The following ARHGAP35 variants were observed in gnomAD, a reference collection of about 807,000 sequenced individuals.
The protein encoded by ARHGAP35 is rho GTPase-activating protein 35.
In ARHGAP35, 15 loss-of-function variants were observed where a neutral mutation model predicts 111.1. That is an observed-to-expected ratio of 0.13 (90% CI 0.09 to 0.21). The LOEUF (loss-of-function observed/expected upper bound fraction) is 0.21. ARHGAP35 is among the 10% of genes least tolerant of loss of function. ARHGAP35 has a pLI of 1.00. For synonymous variants in ARHGAP35, 643 were observed against 710.3 expected, an observed-to-expected ratio of 0.91 and a Z score of 1.51; for missense variants, 1,262 against 1,873.0, an observed-to-expected ratio of 0.67 and a Z score of 6.02.
rs1473962105 is a variant in ARHGAP35 at position 46,918,466 on chromosome 19, T to TC, written c.-188-21dup. On this transcript the variant is annotated intron_variant, in intron 1 of 6. Transcript: ENST00000672722. This position sits in a 1 kb window ranked among gnomAD's most constrained non-coding sequence, Gnocchi z 5.4. ...CTAAAATTATGATGCTGATGGGTTT[T>TC]CTTTTTTTTTCCCCCATCTAGGAAG... Among the ~76,000 whole-genome samples the TC allele has an allele frequency of 6.6e-6, 1 of 152,182 alleles. No homozygotes were observed. The highest frequency in any genetic ancestry group is 1.5e-5 in the Non-Finnish European group (1 of 68,030).
rs2056083900 is a variant in ARHGAP35 at position 46,901,621 on chromosome 19, G to A, written c.-188-16867G>A. On this transcript the variant is annotated intron_variant, in intron 1 of 6. Transcript: ENST00000672722. The surrounding 1 kb of genome is among the most constrained non-coding windows in gnomAD (Gnocchi z 4.5). ...AACTTGCTGCTCTAGGAGAGCAAGA[G>A]TATACATGTGAAGAACGCGTAAGGC... 6.6e-6 allele frequency among the ~76,000 whole-genome samples: 1 copy of A among 152,194 alleles called. No individual in the cohort carries two copies. Among genetic ancestry groups the A allele is most frequent in the African/African-American group, 2.4e-5 (1 of 41,446 alleles).
intron 1 of ARHGAP35, among the ~76,000 whole-genome samples, chr19:46,897,235 C>T (rs1251575454): frequency 6.6e-6 from 1 of 152,094 alleles, no homozygotes; most frequent in Non-Finnish European, 1.5e-5. Flanking sequence ...AAAATGACAA[C>T]AACTGATGGC....
At chr19:46,952,535 C>T (rs552202724) in intron 3 of ARHGAP35, among the ~76,000 whole-genome samples, 18 of 152,308 alleles carry the variant, frequency 1.2e-4, no homozygotes, top group Admixed American at 3.9e-4. Context: ...CTATCTAAAA[C>T]GAAACAAACA....
chr19:46,921,213 C>T lies in ARHGAP35; in HGVS notation c.2538C>T (p.Ile846=). 6.2e-7 allele frequency: 1 copy of T among 1,614,012 alleles called. No individual in the cohort carries two copies. Among genetic ancestry groups the T allele is most frequent in the Non-Finnish European group, 8.5e-7 (1 of 1,179,900 alleles). ...TTTCATACCATTCCTCCTTTAGCAT[C>T]AGAAAGAGCCGGTTGGTTCATGGGT... ...SVLSYHSSFS[I]RKSRLVHGYI... Residue 846 remains isoleucine, a synonymous_variant, in exon 2 of 7, where the codon ATC becomes ATT. Transcript: ENST00000672722. The surrounding 1 kb of genome is among the most constrained non-coding windows in gnomAD (Gnocchi z 4.3).
chr19:46,879,165 T>C (rs1016398415), intron 1 of ARHGAP35, among the ~76,000 whole-genome samples: 1 of 152,114 alleles, frequency 6.6e-6, no homozygotes, highest in African/African-American at 2.4e-5. Flanking sequence ...TCTTAAAAAA[T>C]TGCTGGGCGG....
chr19:46,874,749 C>T (rs577718069), intron 1 of ARHGAP35, among the ~76,000 whole-genome samples: 4 of 150,192 alleles, frequency 2.7e-5, no homozygotes, highest in South Asian at 4.2e-4. Context: ...GTGGTCCAGC[C>T]GCGTTGGCCT....
intron 1 of ARHGAP35, among the ~76,000 whole-genome samples, chr19:46,876,228 A>T (rs1335544211): frequency 6.6e-6 from 1 of 150,802 alleles, no homozygotes; most frequent in Non-Finnish European, 1.5e-5. Context: ...TTTTTGAGAC[A>T]GGATCTCACC....
At chr19:46,996,796 CTTTG>C (rs1202327392) in intron 5 of ARHGAP35, among the ~76,000 whole-genome samples, 5 of 152,188 alleles carry the variant, frequency 3.3e-5, no homozygotes, top group Admixed American at 2.6e-4. Context: ...CAGCAGTTTA[CTTTG>C]TTTATGTAAA....
chr19:46,943,389 C>T (rs1037778450), intron 3 of ARHGAP35, among the ~76,000 whole-genome samples: 1 of 152,106 alleles, frequency 6.6e-6, no homozygotes, highest in Non-Finnish European at 1.5e-5. Flanking sequence ...GGACAGGGCA[C>T]ACGTATGAAT....
At chr19:46,872,896 T>A (rs1039223955) in intron 1 of ARHGAP35, among the ~76,000 whole-genome samples, 2 of 138,880 alleles carry the variant, frequency 1.4e-5, no homozygotes, top group African/African-American at 5.4e-5. Context: ...AAAAAAAAAA[T>A]TAATTACTAA....
rs1195012574 is a variant in ARHGAP35, at chr19:46,945,485, A to G, written c.3826+8077A>G. 6.6e-6 allele frequency among the ~76,000 whole-genome samples: 1 copy of G among 151,784 alleles called. No individual in the cohort carries two copies. Among genetic ancestry groups the G allele is most frequent in the Admixed American group, 6.6e-5 (1 of 15,230 alleles). Reference sequence around the variant, plus strand: ...AGAATAATTTCTCAGGGTAAAGTACACTCTTGATAGCTCATGGTGGTCACA... The same window carrying G: ...AGAATAATTTCTCAGGGTAAAGTACGCTCTTGATAGCTCATGGTGGTCACA... On this transcript the variant is annotated intron_variant, in intron 3 of 6. Transcript: ENST00000672722. The surrounding 1 kb of genome is among the most constrained non-coding windows in gnomAD (Gnocchi z 4.1).
At chr19:46,990,117 C>T (rs1465844035) in intron 5 of ARHGAP35, among the ~76,000 whole-genome samples, 1 of 152,254 alleles carries the variant, frequency 6.6e-6, no homozygotes. Flanking sequence ...TACCTGTCTT[C>T]TCCTACCTCT....
Position 46,969,243 on chromosome 19 carries a change from G to A in ARHGAP35, c.3827-18746G>A, listed in dbSNP as rs375048990. ...AACTCTGAATGTGCTCACAGCCATC[G>A]AATTGGACACTCTCACAGTGGGTGA... On this transcript the variant is annotated intron_variant, in intron 3 of 6. Transcript: ENST00000672722. 2.7e-4 allele frequency among the ~76,000 whole-genome samples: 41 copies of A among 152,304 alleles called. 1 individual carries two copies. The South Asian group carries it at 4.1e-3, about 15-fold the overall frequency.
intron 3 of ARHGAP35, among the ~76,000 whole-genome samples, chr19:46,968,756 A>T (rs1186759342): frequency 6.6e-6 from 1 of 152,240 alleles, no homozygotes; most frequent in African/African-American, 2.4e-5. Context: ...TCATTTACAC[A>T]GAATTATCTA....
At chr19:46,958,119 C>A (rs1213725987) in intron 3 of ARHGAP35, among the ~76,000 whole-genome samples, 1 of 152,172 alleles carries the variant, frequency 6.6e-6, no homozygotes, top group Non-Finnish European at 1.5e-5. Flanking sequence ...CACGGTGGCC[C>A]AAGCCTGTAA....
chr19:46,952,816 C>T (rs1176119223), intron 3 of ARHGAP35, among the ~76,000 whole-genome samples: 1 of 152,126 alleles, frequency 6.6e-6, no homozygotes, highest in Non-Finnish European at 1.5e-5. Context: ...GTAGCTGGGA[C>T]CACAGGTGTG....
intron 1 of ARHGAP35, among the ~76,000 whole-genome samples, chr19:46,884,650 C>T (rs2122141245): frequency 6.6e-6 from 1 of 151,766 alleles, no homozygotes; most frequent in East Asian, 1.9e-4. Context: ...GCATGTGCCA[C>T]CATGTTGTAT....
At chr19:46,866,178 C>T (rs183030483) in intron 1 of ARHGAP35, among the ~76,000 whole-genome samples, 1 of 152,290 alleles carries the variant, frequency 6.6e-6, no homozygotes, top group East Asian at 1.9e-4. Flanking sequence ...TGTTATTCAT[C>T]ACAGCACTAT....
intron 1 of ARHGAP35, among the ~76,000 whole-genome samples, chr19:46,865,623 G>A (rs1047462254): frequency 6.6e-6 from 1 of 152,178 alleles, no homozygotes; most frequent in African/African-American, 2.4e-5. Context: ...GATGTTTGGT[G>A]AGTCTGCATG....
Sources: allele counts gnomAD v4.1 joint callset (sites outside exome capture counted in the v4.1 genomes callset), GRCh38; gene constraint gnomAD v4.1.1; non-coding constraint Gnocchi (gnomAD v3.1); transcripts MANE v1.5; gene names NCBI Gene and HGNC (gene_info 2026-07-23, HGNC 2026-07-21).